Variants in ARHGAP26 observed in about 807,000 individuals in gnomAD.
ARHGAP26 encodes Rho GTPase activating protein 26, also known as rho GTPase-activating protein 26.
ARHGAP26 carries 38 observed loss-of-function variants against 104.8 expected under a neutral mutation model. That is an observed-to-expected ratio of 0.36 (90% CI 0.28 to 0.48). The LOEUF is 0.48. Among genes scored for constraint, ARHGAP26 ranks in the 20% least tolerant of loss-of-function variants. The pLI, the probability that ARHGAP26 is intolerant of heterozygous loss-of-function variation, is 0.99. For missense variants in ARHGAP26, 704 were observed against 947.9 expected (o/e 0.74, Z 3.38); for synonymous variants, 341 against 340.0 (o/e 1.00, Z -0.03).
At chr5:142,804,616 C>G (rs968710880) in intron 1 of ARHGAP26, among the ~76,000 whole-genome samples, 2 of 152,028 alleles carry the variant, frequency 1.3e-5, no homozygotes, top group Admixed American at 1.3e-4. Context: ...CTCAGCCTCC[C>G]GAGTAGCTGG....
chr5:142,829,959 A>G (rs1467673236), intron 1 of ARHGAP26, among the ~76,000 whole-genome samples: 1 of 152,172 alleles, frequency 6.6e-6, no homozygotes, highest in Non-Finnish European at 1.5e-5. Flanking sequence ...TTATACCATT[A>G]TTACTTTGGG....
chr5:142,824,144 G>A (rs1002926034), intron 1 of ARHGAP26, among the ~76,000 whole-genome samples: 1 of 152,178 alleles, frequency 6.6e-6, no homozygotes, highest in Non-Finnish European at 1.5e-5. Flanking sequence ...GTGTATGTGT[G>A]TGTGTGTGTA....
chr5:142,771,625 T>C (rs1274012094), intron 1 of ARHGAP26, among the ~76,000 whole-genome samples: 3 of 152,186 alleles, frequency 2.0e-5, no homozygotes, highest in Non-Finnish European at 4.4e-5. Context: ...AGAATGTACA[T>C]ATCCCAACTC....
chr5:143,031,595 TG>T (rs1203730109), intron 12 of ARHGAP26, among the ~76,000 whole-genome samples: 2 of 151,102 alleles, frequency 1.3e-5, no homozygotes, highest in Admixed American at 1.3e-4. Context: ...TTTTAATAGC[TG>T]GGAGGAGCCA....
chr5:143,132,436 A>G lies in ARHGAP26; in HGVS notation c.1699-1531A>G, dbSNP rs76134582. 3.8e-3 allele frequency among the ~76,000 whole-genome samples: 580 copies of G among 151,778 alleles called. 22 individuals are homozygous for G. The East Asian group carries it at 0.084, about 22-fold the overall frequency. On this transcript the variant is annotated intron_variant, in intron 18 of 22. Coordinates refer to ENST00000645722, the MANE Select transcript of ARHGAP26 (RefSeq NM_001135608.3). The stretch of plus-strand genomic sequence containing the variant: ...AGAAAACTCAGGAGGGAGGAGACCA[A>G]CTTCAAAGAATAAGAGATGGTAATG...
chr5:143,043,157 A>G (rs1008822433), intron 14 of ARHGAP26, among the ~76,000 whole-genome samples: 1 of 152,214 alleles, frequency 6.6e-6, no homozygotes, highest in East Asian at 1.9e-4. Flanking sequence ...CCATCACTAA[A>G]AGGATTCCTT....
intron 17 of ARHGAP26, among the ~76,000 whole-genome samples, chr5:143,104,459 C>T (rs939606030): frequency 2.6e-5 from 4 of 151,356 alleles, no homozygotes; most frequent in African/African-American, 9.7e-5. Context: ...TGCAGTGAGC[C>T]GAGATCACAC....
intron 17 of ARHGAP26, among the ~76,000 whole-genome samples, chr5:143,104,580 A>G (rs1218918192): frequency 6.6e-6 from 1 of 152,230 alleles, no homozygotes; most frequent in African/African-American, 2.4e-5. Flanking sequence ...AATTTATTCT[A>G]GGGAAAGAAA....
chr5:142,941,107 A>G (rs1186011828), intron 11 of ARHGAP26, among the ~76,000 whole-genome samples: 1 of 141,222 alleles, frequency 7.1e-6, no homozygotes, highest in Non-Finnish European at 1.5e-5. Context: ...AAAAGAATCT[A>G]TATTCCATTG....
At chr5:142,999,719 A>G (rs1051157277) in intron 11 of ARHGAP26, among the ~76,000 whole-genome samples, 1 of 152,196 alleles carries the variant, frequency 6.6e-6, no homozygotes, top group African/African-American at 2.4e-5. Context: ...GGGATTGGCA[A>G]AAGTTATGTA....
chr5:143,078,544 A>T (rs1031400359), intron 17 of ARHGAP26, among the ~76,000 whole-genome samples: 1 of 151,662 alleles, frequency 6.6e-6, no homozygotes, highest in Non-Finnish European at 1.5e-5. Context: ...ATTTTATAGC[A>T]GTTGGGCGGG....
Position 142,800,577 on chromosome 5 carries a change from G to A in ARHGAP26, c.154+29662G>A, listed in dbSNP as rs979823736. Among the ~76,000 whole-genome samples the A allele has an allele frequency of 5.9e-5, 9 of 152,182 alleles. 1 individual carries two copies. The South Asian group carries it at 8.3e-4, about 14-fold the overall frequency. ...GGGGTTTCACCATGTTGGTCAGGCTGGTCTCTAACTCCTGACCTCAGGTGA... is the reference window on the plus strand; with the variant it reads ...GGGGTTTCACCATGTTGGTCAGGCTAGTCTCTAACTCCTGACCTCAGGTGA... On this transcript the variant is annotated intron_variant, in intron 1 of 22. Coordinates refer to ENST00000645722, the MANE Select transcript of ARHGAP26 (RefSeq NM_001135608.3).
chr5:142,831,049 A>T (rs780144515), intron 1 of ARHGAP26, among the ~76,000 whole-genome samples: 2 of 152,214 alleles, frequency 1.3e-5, no homozygotes, highest in Non-Finnish European at 2.9e-5. Flanking sequence ...GGGACTAAAG[A>T]TGATAATCCA....
Position 142,879,890 on chromosome 5 carries a change from G to C in ARHGAP26, c.384+445G>C, listed in dbSNP as rs1756698569. On this transcript the variant is annotated intron_variant, in intron 4 of 22. Transcript: ENST00000645722. ...GTGGGTACAGGGACTTTCTTTAAAA[G>C]GAGGCAGCTGGTACTTAGGTTTAGC... 2.6e-5 allele frequency among the ~76,000 whole-genome samples: 4 copies of C among 152,324 alleles called. No homozygotes were observed. The South Asian group carries it at 8.3e-4, about 32-fold the overall frequency.
chr5:142,833,709 G>A (rs1768983720), intron 1 of ARHGAP26, among the ~76,000 whole-genome samples: 1 of 152,170 alleles, frequency 6.6e-6, no homozygotes, highest in Non-Finnish European at 1.5e-5. Context: ...CATTAGGGGC[G>A]GAGGCCTGGG....
intron 11 of ARHGAP26, among the ~76,000 whole-genome samples, chr5:142,977,428 A>AG (rs1158632109): frequency 6.6e-6 from 1 of 152,152 alleles, no homozygotes; most frequent in African/African-American, 2.4e-5. Flanking sequence ...TAAAAAAAAA[A>AG]CAACAGTGGA....
At chr5:142,966,145 T>G (rs1357026096) in intron 11 of ARHGAP26, among the ~76,000 whole-genome samples, 1 of 152,160 alleles carries the variant, frequency 6.6e-6, no homozygotes, top group Non-Finnish European at 1.5e-5. Flanking sequence ...CACTTCTCTT[T>G]CTGTTTGTAA....
intron 4 of ARHGAP26, among the ~76,000 whole-genome samples, chr5:142,880,216 C>T (rs1756751559): frequency 6.6e-6 from 1 of 152,158 alleles, no homozygotes; most frequent in African/African-American, 2.4e-5. Flanking sequence ...GGCTCCTTTG[C>T]CCTGTAATAA....
In ARHGAP26 at chr5:142,832,987, A is replaced by G. The variant is rs1268656628; in HGVS notation, c.155-40413A>G. ...TGTATCTGTAGAATATTTGAAAAGTATAATATGGAAAATTTGTAAAGCAGT... is the reference window on the plus strand; with the variant it reads ...TGTATCTGTAGAATATTTGAAAAGTGTAATATGGAAAATTTGTAAAGCAGT... On this transcript the variant is annotated intron_variant, in intron 1 of 22. Transcript: ENST00000645722. 2.0e-5 allele frequency among the ~76,000 whole-genome samples: 3 copies of G among 152,240 alleles called. No individual in the cohort carries two copies. In the South Asian group the frequency reaches 6.2e-4, roughly 32 times the overall value.
Sources: allele counts gnomAD v4.1 joint callset (sites outside exome capture counted in the v4.1 genomes callset), GRCh38; gene constraint gnomAD v4.1.1; transcripts MANE v1.5; gene names NCBI Gene and HGNC (gene_info 2026-07-23, HGNC 2026-07-21).